The following RYR2 variants were observed in gnomAD, a reference collection of about 807,000 sequenced individuals.
RYR2 encodes ryanodine receptor 2.
Under a neutral mutation model 601.1 loss-of-function variants are expected in RYR2, and 227 were observed. The ratio of observed to expected loss-of-function variants is 0.38; its 90% CI spans 0.34 to 0.42. RYR2 has a LOEUF of 0.42. Among genes scored for constraint, RYR2 ranks in the 10% least tolerant of loss-of-function variants. RYR2 has a pLI of 1.00. For synonymous variants in RYR2, 2,223 were observed against 2,175.1 expected, an observed-to-expected ratio of 1.02 and a Z score of -0.61; for missense variants, 4,646 against 6,156.5, an observed-to-expected ratio of 0.75 and a Z score of 8.21.
At chr1:237,388,377 A>G (rs1012546593) in intron 10 of RYR2, among the ~76,000 whole-genome samples, 194 bp downstream of exon 10, 1 of 152,200 alleles carries the variant, frequency 6.6e-6, no homozygotes, top group African/African-American at 2.4e-5. Flanking sequence ...TTACCTACCA[A>G]CAGAAGAACT....
At chr1:237,649,213 C>T (rs967749830) in intron 49 of RYR2, among the ~76,000 whole-genome samples, 1 of 152,132 alleles carries the variant, frequency 6.6e-6, no homozygotes, top group African/African-American at 2.4e-5. Flanking sequence ...TATTTAATAC[C>T]TACTTTCATG....
Position 237,659,971 on chromosome 1 carries a change from T to C in RYR2, c.8209-14T>C. On this transcript the variant is annotated splice_polypyrimidine_tract_variant and intron_variant, in intron 54 of 104. Coordinates refer to ENST00000366574, the MANE Select transcript of RYR2 (RefSeq NM_001035.3). ...CACGTGTAAAACAATTTTTAATGTT[T>C]GCCTTTTTTTAAGTTGGCAAATGGA... The C allele has an allele frequency of 6.4e-7, 1 of 1,553,244 alleles. No individual in the cohort carries two copies. The highest frequency in any genetic ancestry group is 8.7e-7 in the Non-Finnish European group (1 of 1,145,830).
chr1:237,688,743 T>A (rs1265533573), intron 63 of RYR2, among the ~76,000 whole-genome samples: 3 of 152,188 alleles, frequency 2.0e-5, no homozygotes, highest in Non-Finnish European at 2.9e-5. Flanking sequence ...CTCTTTAACC[T>A]TCTCAGAATA....
chr1:237,571,698 C>A (rs988539636), intron 29 of RYR2, among the ~76,000 whole-genome samples: 1 of 152,176 alleles, frequency 6.6e-6, no homozygotes, highest in East Asian at 1.9e-4. Flanking sequence ...TATATTCATT[C>A]ATTTAGCTAG....
At chr1:237,366,221 A>G (rs2149736712) in intron 5 of RYR2, among the ~76,000 whole-genome samples, 1 of 152,276 alleles carries the variant, frequency 6.6e-6, no homozygotes, top group East Asian at 1.9e-4. Flanking sequence ...GGACTGTCCT[A>G]AGCCTGATCT....
At chr1:237,160,335 T>G (rs1399135891) in intron 1 of RYR2, among the ~76,000 whole-genome samples, 1 of 152,200 alleles carries the variant, frequency 6.6e-6, no homozygotes, top group African/African-American at 2.4e-5. Context: ...AACAATTTTA[T>G]TATGGTCTTC....
chr1:237,665,228 G>A (rs949759088), intron 56 of RYR2, among the ~76,000 whole-genome samples: 15 of 151,876 alleles, frequency 9.9e-5, no homozygotes, highest in Admixed American at 7.9e-4. Context: ...GTGAAACCCC[G>A]TCTCTACTAA....
chr1:237,340,390 A>G (rs1697661306), intron 3 of RYR2, among the ~76,000 whole-genome samples: 1 of 152,190 alleles, frequency 6.6e-6, no homozygotes, highest in African/African-American at 2.4e-5. Flanking sequence ...CAATCTAATA[A>G]TAAAGAGAGA....
chr1:237,608,796 G>GTT (rs33945891), intron 35 of RYR2, among the ~76,000 whole-genome samples: 2,095 of 119,094 alleles, frequency 0.018, 43 homozygotes, highest in South Asian at 0.042. Context: ...AGACTGACCT[G>GTT]TTTTTTTTTT....
intron 1 of RYR2, among the ~76,000 whole-genome samples, chr1:237,239,003 T>C (rs1372909590): frequency 6.6e-6 from 1 of 152,112 alleles, no homozygotes; most frequent in Admixed American, 6.5e-5. Flanking sequence ...AGACATTGAG[T>C]GTGCTCAGGA....
intron 104 of RYR2, 45 bp from the exon 105 acceptor site, chr1:237,832,507 A>G (rs775369255): frequency 5.4e-6 from 7 of 1,297,338 alleles, no homozygotes; most frequent in Non-Finnish European, 6.7e-6. Context: ...TTTTGTTAGC[A>G]CACACTTTGG....
At chr1:237,449,819 T>G (rs1195138934) in intron 14 of RYR2, among the ~76,000 whole-genome samples, 1 of 152,196 alleles carries the variant, frequency 6.6e-6, no homozygotes, top group Non-Finnish European at 1.5e-5. Flanking sequence ...TTTATAGTTC[T>G]TTATATGCCT....
intron 27 of RYR2, among the ~76,000 whole-genome samples, chr1:237,565,680 A>G (rs1009504364): frequency 6.6e-6 from 1 of 151,906 alleles, no homozygotes; most frequent in African/African-American, 2.4e-5. Context: ...CAAGTCTGAA[A>G]TTTCCTCCTC....
chr1:237,696,688 C>T (rs1485956245), intron 63 of RYR2, among the ~76,000 whole-genome samples: 1 of 149,712 alleles, frequency 6.7e-6, no homozygotes. Context: ...TGCTTCTTCT[C>T]GTTCTCTTTC....
chr1:237,633,783 G>A (rs1401517221), intron 43 of RYR2, 73 bp downstream of exon 43: 2 of 1,403,602 alleles, frequency 1.4e-6, no homozygotes, highest in East Asian at 2.5e-5. Flanking sequence ...CAAACGTTTT[G>A]TTAAAAAATG....
intron 23 of RYR2, among the ~76,000 whole-genome samples, chr1:237,508,938 T>G (rs1272242979): frequency 6.6e-6 from 1 of 151,430 alleles, no homozygotes; most frequent in Non-Finnish European, 1.5e-5. Context: ...GAGACGGGGT[T>G]TCACCGTGTT....
chr1:237,232,464 T>C (rs908926644), intron 1 of RYR2, among the ~76,000 whole-genome samples: 2 of 152,212 alleles, frequency 1.3e-5, no homozygotes, highest in African/African-American at 4.8e-5. Flanking sequence ...GGTACCTCCT[T>C]GTACCTTCCC....
chr1:237,695,541 G>T (rs929146822), intron 63 of RYR2, among the ~76,000 whole-genome samples: 7 of 152,094 alleles, frequency 4.6e-5, no homozygotes, highest in Admixed American at 2.6e-4. Flanking sequence ...TAAAAATCCA[G>T]TTGCCACCTG....
At position 237,527,744 on chromosome 1, in the gene RYR2, G is replaced by T. The variant is rs774636779; in HGVS notation, c.2823-2683G>T. ...TTTTTAAAATGTGGAACCCTACTTG[G>T]TTTTATTATAATTCTTCAGTCATCA... is the stretch of plus-strand genomic sequence containing the variant. On this transcript the variant is annotated intron_variant, in intron 24 of 104. Transcript: ENST00000366574. Among the ~76,000 whole-genome samples the T allele has an allele frequency of 4.2e-4, 64 of 152,178 alleles. 1 individual carries two copies. Among genetic ancestry groups the T allele is most frequent in the Non-Finnish European group, 7.6e-4 (52 of 68,022 alleles).
Sources: allele counts gnomAD v4.1 joint callset (sites outside exome capture counted in the v4.1 genomes callset), GRCh38; gene constraint gnomAD v4.1.1; transcripts MANE v1.5; gene names NCBI Gene and HGNC (gene_info 2026-07-23, HGNC 2026-07-21).